Variants in CPLX1 observed in about 807,000 individuals in gnomAD.
CPLX1 encodes complexin 1.
A neutral mutation model predicts 15.6 loss-of-function variants in CPLX1; 6 were observed. The ratio of observed to expected loss-of-function variants is 0.39; its 90% CI spans 0.21 to 0.76. The LOEUF is 0.76. CPLX1 is among the 30% of genes least tolerant of loss of function. The pLI is 0.43. For synonymous variants in CPLX1, 91 were observed against 75.2 expected (o/e 1.21, Z -1.08); for missense variants, 242 against 188.6 (o/e 1.28, Z -1.66).
rs1745970459 is a variant in CPLX1, at chr4:785,944, G to A, written c.*557C>T. 6.6e-6 allele frequency: 1 copy of A among 152,486 alleles called. No homozygotes were observed. The highest frequency in any genetic ancestry group is 2.4e-5 in the African/African-American group (1 of 41,430). The allele number at this position is 152,486 out of a possible 1,614,324, so 9.4% of individuals were successfully genotyped here. On this transcript the variant is annotated 3_prime_UTR_variant, in exon 4 of 4. Transcript: ENST00000304062. Reference sequence around the variant, plus strand: ...AAGAAGCAAAACCTTCCAGAGAGGAGAGGAAAGGACGCGGACAGAGACGGA... The same window carrying A: ...AAGAAGCAAAACCTTCCAGAGAGGAAAGGAAAGGACGCGGACAGAGACGGA...
At chr4:820,785 G>A (rs780366948) in intron 2 of CPLX1, among the ~76,000 whole-genome samples, 5 of 151,238 alleles carry the variant, frequency 3.3e-5, no homozygotes, top group Non-Finnish European at 7.4e-5. Flanking sequence ...CCAGCCTCAC[G>A]TGAACCCCCA....
intron 2 of CPLX1, among the ~76,000 whole-genome samples, chr4:819,588 A>AT (rs1443876163): frequency 6.6e-6 from 1 of 152,236 alleles, no homozygotes; most frequent in Non-Finnish European, 1.5e-5. Flanking sequence ...CTGGGGGGTC[A>AT]TTGCCTAGCG....
chr4:798,893 CA>C (rs1423396955), intron 2 of CPLX1, among the ~76,000 whole-genome samples: 1 of 152,078 alleles, frequency 6.6e-6, no homozygotes, highest in Non-Finnish European at 1.5e-5. Context: ...TTGGCTTAAG[CA>C]AAGATTTCTT....
At chr4:821,934 C>A (rs1228741989) in intron 2 of CPLX1, among the ~76,000 whole-genome samples, 1 of 152,206 alleles carries the variant, frequency 6.6e-6, no homozygotes. Context: ...GGCCTGTCCC[C>A]CTGCCCAGAG....
At chr4:804,678 G>A in intron 2 of CPLX1, 1 of 945,292 alleles carries the variant, frequency 1.1e-6, no homozygotes, top group Non-Finnish European at 1.3e-6. Flanking sequence ...TGGGGCTTTG[G>A]ATAAAATTAA....
chr4:800,657 C>A (rs987891321), intron 2 of CPLX1, among the ~76,000 whole-genome samples: 24 of 142,538 alleles, frequency 1.7e-4, no homozygotes, highest in Admixed American at 3.6e-4. Flanking sequence ...GAGGCCAAGG[C>A]GGGCAGATGA....
intron 3 of CPLX1, chr4:787,735 G>T: frequency 1.0e-6 from 1 of 985,278 alleles, no homozygotes; most frequent in Non-Finnish European, 1.2e-6. Context: ...CAGGCCCCGG[G>T]GTTTTGGTTT....
chr4:806,535 A>AAAATTGAC (rs1173513050), intron 2 of CPLX1, among the ~76,000 whole-genome samples: 9 of 152,376 alleles, frequency 5.9e-5, no homozygotes, highest in Non-Finnish European at 1.2e-4. Context: ...TAATAAAGCA[A>AAAATTGAC]AAATTGACAA....
At position 792,934 on chromosome 4, in the gene CPLX1, C is replaced by G. The variant is rs1362573540; in HGVS notation, c.32-326G>C. Reference sequence around the variant, plus strand: ...GTGTGTGACTGCGTGCTTATGCGTACGTGTGGCTGTTGTGGTTGTGTTTGT... The same window carrying G: ...GTGTGTGACTGCGTGCTTATGCGTAGGTGTGGCTGTTGTGGTTGTGTTTGT... On this transcript the variant is annotated intron_variant, in intron 2 of 3. Coordinates refer to ENST00000304062, the MANE Select transcript of CPLX1 (RefSeq NM_006651.4). Among the ~76,000 whole-genome samples the G allele has an allele frequency of 2.0e-5, 3 of 152,188 alleles. No homozygotes were observed. The East Asian group carries it at 5.8e-4, about 29-fold the overall frequency.
intron 3 of CPLX1, chr4:787,144 C>A (rs1471483874): frequency 8.1e-6 from 8 of 985,300 alleles, no homozygotes; most frequent in Non-Finnish European, 9.6e-6. Flanking sequence ...CCTGCATTCA[C>A]ACTCCCGGGC....
At chr4:819,157 G>A (rs1746815434) in intron 2 of CPLX1, among the ~76,000 whole-genome samples, 1 of 152,262 alleles carries the variant, frequency 6.6e-6, no homozygotes, top group South Asian at 2.1e-4. Context: ...TGTCACGCAG[G>A]AGCTATTGAA....
At position 792,788 on chromosome 4, in the gene CPLX1, G is replaced by C. The variant is rs555571357; in HGVS notation, c.32-180C>G. The C allele has an allele frequency of 8.0e-4, 505 of 633,904 alleles. 4 individuals are homozygous for C. In the East Asian group the frequency reaches 0.013, roughly 16 times the overall value. The allele number at this position is 633,904 out of a possible 1,614,324, so 39.3% of individuals were successfully genotyped here. On this transcript the variant is annotated intron_variant, in intron 2 of 3. Transcript: ENST00000304062. ...ACCTCCATCTGGCCCTGACCCTCCT[G>C]CCCGGGACCCTCCATCCAGTGTGCT...
In CPLX1 at chr4:823,171, T is replaced by C. The variant is rs78838420; in HGVS notation, c.31+1321A>G. ...CCGTAACAGCCTGGGACTCCCTGGG[T>C]GGAACGTGCGTCCCTCCCAGCGCAG... is the stretch of plus-strand genomic sequence containing the variant. On this transcript the variant is annotated intron_variant, in intron 2 of 3. Transcript: ENST00000304062. 7.2e-5 allele frequency among the ~76,000 whole-genome samples: 11 copies of C among 152,274 alleles called. No homozygotes were observed. The East Asian group carries it at 1.9e-3, about 27-fold the overall frequency.
At chr4:796,851 A>G (rs560253171) in intron 2 of CPLX1, among the ~76,000 whole-genome samples, 33 of 152,298 alleles carry the variant, frequency 2.2e-4, no homozygotes, top group Admixed American at 1.9e-3. Context: ...TGAAGGAAAA[A>G]GAGGAGAGTG....
At chr4:814,414 T>C (rs897784804) in intron 2 of CPLX1, among the ~76,000 whole-genome samples, 3 of 152,116 alleles carry the variant, frequency 2.0e-5, no homozygotes, top group Non-Finnish European at 4.4e-5. Flanking sequence ...GGTTTCACCA[T>C]GTTGGCCAGG....
chr4:824,840 C>T (rs1746944380), intron 1 of CPLX1: 1 of 581,404 alleles, frequency 1.7e-6, no homozygotes, highest in African/African-American at 1.8e-5. Context: ...GGGAGGGCTG[C>T]TGATGGCTTA....
chr4:798,649 A>G (rs1746392051), intron 2 of CPLX1, among the ~76,000 whole-genome samples: 1 of 152,228 alleles, frequency 6.6e-6, no homozygotes, highest in Non-Finnish European at 1.5e-5. Flanking sequence ...TGCCTGCCTC[A>G]GCCTCCCGAA....
rs35754733 is a variant in CPLX1 at position 817,246 on chromosome 4, TAA to T, written c.31+7244_31+7245del. On this transcript the variant is annotated intron_variant, in intron 2 of 3. Coordinates refer to ENST00000304062, the MANE Select transcript of CPLX1 (RefSeq NM_006651.4). ...TCAGCAGGGGCACACTGGGTGAATG[TAA>T]AAAAAAAAAAAAAAAAAAATTCAGG... Among the ~76,000 whole-genome samples the T allele has an allele frequency of 2.7e-3, 359 of 132,626 alleles. 1 individual carries two copies. Among genetic ancestry groups the T allele is most frequent in the Middle Eastern group, 3.9e-3 (1 of 254 alleles). 87.0% of individuals were successfully genotyped at this position (132,626 alleles called of 152,430 possible).
At chr4:794,878 C>G (rs1416412004) in intron 2 of CPLX1, among the ~76,000 whole-genome samples, 4 of 152,292 alleles carry the variant, frequency 2.6e-5, no homozygotes, top group African/African-American at 9.6e-5. Context: ...GGCTCTGGGT[C>G]TGGTCGCGGG....
Sources: allele counts gnomAD v4.1 joint callset (sites outside exome capture counted in the v4.1 genomes callset), GRCh38; gene constraint gnomAD v4.1.1; transcripts MANE v1.5; gene names NCBI Gene and HGNC (gene_info 2026-07-23, HGNC 2026-07-21).